PER3: variants seen among roughly 807,000 people sequenced by gnomAD.
PER3 encodes the protein period circadian protein homolog 3.
In PER3, 107 loss-of-function variants were observed where a neutral mutation model predicts 127.2. The ratio of observed to expected loss-of-function variants is 0.84; its 90% confidence interval spans 0.72 to 0.99. PER3 has a LOEUF of 0.99. PER3 is among the 50% of genes least tolerant of loss of function. PER3 has a pLI of 0.00. For missense variants in PER3, 1,560 were observed against 1,525.8 expected, an observed-to-expected ratio of 1.02 and a Z score of -0.37; for synonymous variants, 618 against 585.8, an observed-to-expected ratio of 1.05 and a Z score of -0.79.
At chr1:7,819,543 C>T in intron 14 of PER3, 123 bp downstream of exon 14, 5 of 801,402 alleles carry the variant, frequency 6.2e-6, no homozygotes, top group South Asian at 1.7e-5. Context: ...AATCAGTAGA[C>T]GTTTATGGCG....
chr1:7,809,249 A>C (rs896206174), intron 11 of PER3, among the ~76,000 whole-genome samples: 3 of 152,236 alleles, frequency 2.0e-5, no homozygotes, highest in African/African-American at 7.2e-5. Context: ...GAATTATTAC[A>C]TTCCAAAGGC....
intron 21 of PER3, among the ~76,000 whole-genome samples, chr1:7,841,067 A>G (rs2097385006): frequency 6.6e-6 from 1 of 152,250 alleles, no homozygotes; most frequent in Non-Finnish European, 1.5e-5. Context: ...TTGTAAGAAG[A>G]AGAATTGTCT....
At chr1:7,836,807 A>C in intron 20 of PER3, 192 bp from the exon 21 acceptor site, 1 of 484,326 alleles carries the variant, frequency 2.1e-6, no homozygotes, top group Non-Finnish European at 3.6e-6. Context: ...CATCATATAG[A>C]TATTTTCCAC....
chr1:7,817,689 TTAATA>T (rs2097257853), intron 13 of PER3, among the ~76,000 whole-genome samples: 1 of 152,078 alleles, frequency 6.6e-6, no homozygotes, highest in African/African-American at 2.4e-5. Flanking sequence ...CCCCTTTTGT[TTAATA>T]TACAGAGGGA....
chr1:7,820,951 A>G (rs1045123743), intron 16 of PER3, among the ~76,000 whole-genome samples: 6 of 152,228 alleles, frequency 3.9e-5, no homozygotes, highest in African/African-American at 1.4e-4. Flanking sequence ...GCAATTATTG[A>G]TGGCACTGTG....
At chr1:7,816,409 T>C (rs2097251766) in intron 13 of PER3, among the ~76,000 whole-genome samples, 1 of 152,186 alleles carries the variant, frequency 6.6e-6, no homozygotes, top group Non-Finnish European at 1.5e-5. Flanking sequence ...CCCAATCTTA[T>C]CTGAAAGGCA....
At chr1:7,787,632 G>T (rs1029539007) in intron 4 of PER3, 6 of 298,928 alleles carry the variant, frequency 2.0e-5, no homozygotes, top group Admixed American at 4.6e-5. Context: ...GAAAAAATTA[G>T]AGCAGTGATG....
At chr1:7,803,193 T>G (rs1401258849) in intron 9 of PER3, 40 bp downstream of exon 9, 1 of 1,196,812 alleles carries the variant, frequency 8.4e-7, no homozygotes, top group Admixed American at 1.7e-5. Flanking sequence ...TATTTTTCTC[T>G]CATTGATTTG....
chr1:7,786,711 T>C lies in PER3; in HGVS notation c.275-10T>C. ...ACTGGACTACCTGTTTATCTCCCTGTGTTTCTTAGCAAACAGTGAGTTTTT... is the reference window on the plus strand; with the variant it reads ...ACTGGACTACCTGTTTATCTCCCTGCGTTTCTTAGCAAACAGTGAGTTTTT... On this transcript the variant is annotated splice_polypyrimidine_tract_variant and intron_variant, in intron 3 of 21. Transcript: ENST00000377532. 7.1e-7 allele frequency: 1 copy of C among 1,416,634 alleles called. No individual in the cohort carries two copies. 87.8% of individuals were successfully genotyped at this position (1,416,634 alleles called of 1,614,324 possible). A position where few individuals can be genotyped will look rare whatever the true frequency, so the allele number is the denominator to read the frequency against.
rs184555929 is a variant in PER3 at position 7,791,648 on chromosome 1, T to C, written c.593-2309T>C. ...CCAGAAAATGGGTTTTTCTTTTCCA[T>C]TGCATCTTCAGGCTACAAATTTTCC... On this transcript the variant is annotated intron_variant, in intron 5 of 21. Coordinates refer to ENST00000377532, the MANE Select transcript of PER3 (RefSeq NM_001377275.1). 1.8e-4 allele frequency among the ~76,000 whole-genome samples: 27 copies of C among 152,354 alleles called. No individual in the cohort carries two copies. The East Asian group carries it at 4.8e-3, about 27-fold the overall frequency.
At chr1:7,823,886 G>A (rs920702020) in intron 16 of PER3, among the ~76,000 whole-genome samples, 2 of 152,134 alleles carry the variant, frequency 1.3e-5, no homozygotes, top group African/African-American at 2.4e-5. Flanking sequence ...TGAGAAATAC[G>A]ACATGTTGGG....
At chr1:7,836,881 CAT>C (rs1176209412) in intron 20 of PER3, 116 bp from the exon 21 acceptor site, 52 of 652,544 alleles carry the variant, frequency 8.0e-5, no homozygotes, top group Non-Finnish European at 1.1e-4. Flanking sequence ...ATGTATGCCT[CAT>C]GTGTTAGAAA....
intron 6 of PER3, among the ~76,000 whole-genome samples, chr1:7,798,112 G>A (rs185298612): frequency 2.2e-4 from 34 of 152,312 alleles, no homozygotes; most frequent in Admixed American, 1.8e-3. Context: ...AGAAAGGGAC[G>A]ACTGAGAACT....
intron 6 of PER3, among the ~76,000 whole-genome samples, chr1:7,796,305 T>C (rs1273829168): frequency 7.1e-6 from 1 of 141,402 alleles, no homozygotes; most frequent in East Asian, 2.1e-4. Context: ...GTAGGAAACG[T>C]TCATTTCAGT....
intron 5 of PER3, chr1:7,788,672 G>A (rs1384742304): frequency 1.1e-5 from 2 of 176,524 alleles, no homozygotes; most frequent in Non-Finnish European, 2.4e-5. Context: ...GGGAGGTTGA[G>A]GCAGGTGGAT....
chr1:7,787,112 G>C (rs987336755), intron 4 of PER3: 6 of 360,748 alleles, frequency 1.7e-5, no homozygotes, highest in African/African-American at 8.4e-5. Context: ...CTTGAATTAA[G>C]AGAAAACAAA....
intron 2 of PER3, 34 bp downstream of exon 2, chr1:7,785,039 C>A (rs374850965): frequency 1.7e-4 from 263 of 1,556,766 alleles, no homozygotes; most frequent in Non-Finnish European, 2.1e-4. Context: ...GGGCCCCATG[C>A]GTTCGTTGTC....
At chr1:7,793,458 G>A (rs1286987125) in intron 5 of PER3, among the ~76,000 whole-genome samples, 4 of 152,088 alleles carry the variant, frequency 2.6e-5, no homozygotes, top group African/African-American at 2.4e-5. Context: ...GTCATAAAAC[G>A]ATTCTATCAT....
intron 13 of PER3, among the ~76,000 whole-genome samples, chr1:7,818,055 C>A (rs2097259561): frequency 1.3e-5 from 2 of 152,148 alleles, no homozygotes; most frequent in Non-Finnish European, 2.9e-5. Flanking sequence ...TCAATCTAAT[C>A]ATGAGAAGAC....
Sources: allele counts gnomAD v4.1 joint callset (sites outside exome capture counted in the v4.1 genomes callset), GRCh38; gene constraint gnomAD v4.1.1; transcripts MANE v1.5; gene names NCBI Gene and HGNC (gene_info 2026-07-23, HGNC 2026-07-21).